Variants in MSH3 observed in about 807,000 individuals in gnomAD.
MSH3 encodes the protein mutS homolog 3.
In MSH3, 106 loss-of-function variants were observed where a neutral mutation model predicts 123.3. The ratio of observed to expected loss-of-function variants is 0.86; its 90% CI spans 0.73 to 1.01. The LOEUF is 1.01. Ranked by LOEUF, MSH3 falls within the 50% of genes least tolerant of loss-of-function variation. The pLI, the probability that MSH3 is intolerant of heterozygous loss-of-function variation, is 0.00. For missense variants in MSH3, 1,459 were observed against 1,347.6 expected (o/e 1.08, Z -1.29); for synonymous variants, 515 against 481.4 (o/e 1.07, Z -0.91).
At chr5:80,865,603 A>G (rs1214519951) in intron 22 of MSH3, among the ~76,000 whole-genome samples, 1 of 152,212 alleles carries the variant, frequency 6.6e-6, no homozygotes, top group African/African-American at 2.4e-5. Flanking sequence ...ATGAAAAAGA[A>G]CACCGTTAGC....
intron 8 of MSH3, among the ~76,000 whole-genome samples, chr5:80,692,757 A>G (rs1750337920): frequency 2.0e-5 from 2 of 102,448 alleles, no homozygotes; most frequent in South Asian, 2.8e-4. Flanking sequence ...TGTTTAGATA[A>G]ATATACATAC....
intron 12 of MSH3, among the ~76,000 whole-genome samples, chr5:80,756,334 T>G (rs150532942): frequency 6.6e-6 from 1 of 152,082 alleles, no homozygotes; most frequent in Non-Finnish European, 1.5e-5. Context: ...CCTGAAGAAA[T>G]TACCTAGAAT....
chr5:80,706,313 G>C (rs960060411), intron 8 of MSH3, among the ~76,000 whole-genome samples: 7 of 152,134 alleles, frequency 4.6e-5, no homozygotes, highest in South Asian at 2.1e-4. Flanking sequence ...AAGTGGTCTT[G>C]ATTTTGTGTC....
chr5:80,867,212 A>G (rs1714334545), intron 22 of MSH3, among the ~76,000 whole-genome samples: 1 of 152,200 alleles, frequency 6.6e-6, no homozygotes, highest in African/African-American at 2.4e-5. Context: ...CATGACTTCC[A>G]GAGGAAGAGT....
chr5:80,701,703 GC>G (rs1158894659), intron 8 of MSH3, among the ~76,000 whole-genome samples: 2 of 152,110 alleles, frequency 1.3e-5, no homozygotes, highest in Non-Finnish European at 2.9e-5. Flanking sequence ...TTATCTCCCA[GC>G]CTTTGTGGAC....
intron 20 of MSH3, among the ~76,000 whole-genome samples, chr5:80,850,941 A>G (rs1170098973): frequency 6.6e-6 from 1 of 152,176 alleles, no homozygotes; most frequent in Non-Finnish European, 1.5e-5. Context: ...CAGTAGCTCA[A>G]TAGGTCCTTT....
Position 80,683,989 on chromosome 5 carries a change from A to C in MSH3, c.1340+4896A>C, listed in dbSNP as rs188040930. 2.4e-4 allele frequency among the ~76,000 whole-genome samples: 37 copies of C among 152,162 alleles called. No homozygotes were observed. The East Asian group carries it at 6.6e-3, about 27-fold the overall frequency. On this transcript the variant is annotated intron_variant, in intron 8 of 23. Transcript: ENST00000265081. ...TGGCACCATTGTCAAAAATGAGTTC[A>C]CTGTAGATGTATGGATTTATTTCTG...
intron 10 of MSH3, among the ~76,000 whole-genome samples, chr5:80,733,901 G>T (rs1367502267): frequency 6.6e-6 from 1 of 152,138 alleles, no homozygotes; most frequent in Non-Finnish European, 1.5e-5. Flanking sequence ...TTGGAAAACA[G>T]TCTGGTAGTA....
chr5:80,785,568 A>C (rs1744491049), intron 17 of MSH3, among the ~76,000 whole-genome samples: 1 of 152,174 alleles, frequency 6.6e-6, no homozygotes, highest in African/African-American at 2.4e-5. Flanking sequence ...AGGGATCTAG[A>C]ACTAGAAATA....
chr5:80,678,907 A>T lies in MSH3; in HGVS notation c.1174-20A>T. On this transcript the variant is annotated intron_variant, in intron 7 of 23. Coordinates refer to ENST00000265081, the MANE Select transcript of MSH3 (RefSeq NM_002439.5). ...GGAAATACATTTTTTCTGTAACATT[A>T]TATTTGTATTTGTTTTTAGGGAGTG... is the stretch of plus-strand genomic sequence containing the variant. 1 of 1,613,724 alleles carries T rather than the reference A, an allele frequency of 6.2e-7. No individual in the cohort carries two copies. The highest frequency in any genetic ancestry group is 8.5e-7 in the Non-Finnish European group (1 of 1,179,750).
intron 8 of MSH3, among the ~76,000 whole-genome samples, chr5:80,689,696 C>G (rs993400027): frequency 6.6e-6 from 1 of 150,952 alleles, no homozygotes; most frequent in Non-Finnish European, 1.5e-5. Context: ...GGGATATATC[C>G]CCAACGGAAG....
intron 20 of MSH3, among the ~76,000 whole-genome samples, chr5:80,829,945 T>C (rs959070647): frequency 6.6e-6 from 1 of 152,184 alleles, no homozygotes; most frequent in Non-Finnish European, 1.5e-5. Context: ...CCCTGTCTTT[T>C]TGTGGGAGTT....
At chr5:80,796,238 C>A (rs546967316) in intron 19 of MSH3, among the ~76,000 whole-genome samples, 2 of 151,980 alleles carry the variant, frequency 1.3e-5, no homozygotes, top group South Asian at 4.2e-4. Flanking sequence ...TCTTTCAAAA[C>A]GTATGTTACA....
At chr5:80,677,451 G>A (rs6151662) in intron 7 of MSH3, among the ~76,000 whole-genome samples, 5,315 of 152,280 alleles carry the variant, frequency 0.035, 141 homozygotes, top group Non-Finnish European at 0.055. Flanking sequence ...TTTAACATCT[G>A]TACCTGGTTT....
chr5:80,848,807 GT>G (rs1171720334), intron 20 of MSH3, among the ~76,000 whole-genome samples: 1 of 152,094 alleles, frequency 6.6e-6, no homozygotes, highest in African/African-American at 2.4e-5. Flanking sequence ...GTCAAACCAT[GT>G]TATTCCACCC....
intron 20 of MSH3, among the ~76,000 whole-genome samples, chr5:80,837,213 G>A (rs1745531124): frequency 6.6e-6 from 1 of 152,170 alleles, no homozygotes; most frequent in Non-Finnish European, 1.5e-5. Context: ...AGTGAAGGTG[G>A]AGAGGAAAAA....
At chr5:80,791,181 G>A (rs1744600504) in intron 18 of MSH3, among the ~76,000 whole-genome samples, 1 of 151,048 alleles carries the variant, frequency 6.6e-6, no homozygotes, top group South Asian at 2.1e-4. Flanking sequence ...TAGACAGACA[G>A]GAGATTGAAA....
chr5:80,743,215 G>A (rs1327383636), intron 11 of MSH3, among the ~76,000 whole-genome samples: 1 of 152,024 alleles, frequency 6.6e-6, no homozygotes, highest in Non-Finnish European at 1.5e-5. Flanking sequence ...CTCCTCACGG[G>A]ACCCTTTACC....
At chr5:80,671,113 A>T (rs1319519812) in intron 4 of MSH3, among the ~76,000 whole-genome samples, 2 of 109,986 alleles carry the variant, frequency 1.8e-5, no homozygotes, top group Admixed American at 1.9e-4. Flanking sequence ...GCACAGCAAG[A>T]CTCTGTCTCA....
Sources: gnomAD v4.1 joint callset for allele counts (sites outside exome capture counted in the v4.1 genomes callset) on GRCh38, gnomAD v4.1.1 for gene constraint, MANE v1.5 for transcripts, NCBI Gene and HGNC (gene_info 2026-07-23, HGNC 2026-07-21) for gene names.